The following ARID1B variants were observed in gnomAD, a reference collection of about 807,000 sequenced individuals.
ARID1B encodes AT-rich interaction domain 1B, also known as AT-rich interactive domain-containing protein 1B.
Under a neutral mutation model 212.3 loss-of-function variants are expected in ARID1B, and 30 were observed. That is an observed-to-expected ratio of 0.14 (90% CI 0.11 to 0.19). The LOEUF (loss-of-function observed/expected upper bound fraction) is 0.19. Among genes scored for constraint, ARID1B ranks in the 10% least tolerant of loss-of-function variants. ARID1B has a pLI of 1.00. For missense variants in ARID1B, 2,891 were observed against 3,204.0 expected (o/e 0.90, Z 2.36); for synonymous variants, 1,402 against 1,301.7 (o/e 1.08, Z -1.66).
chr6:156,934,957 T>A (rs1562494889), intron 3 of ARID1B, among the ~76,000 whole-genome samples: 2 of 94,234 alleles, frequency 2.1e-5, no homozygotes, highest in African/African-American at 7.9e-5. Context: ...TATATATATA[T>A]ATATAGTTTA....
At chr6:157,050,446 A>T (rs1392506222) in intron 4 of ARID1B, among the ~76,000 whole-genome samples, 3 of 152,194 alleles carry the variant, frequency 2.0e-5, no homozygotes, top group South Asian at 4.1e-4. Context: ...CAGGAGGCTG[A>T]GGCAGGAGAA....
intron 2 of ARID1B, among the ~76,000 whole-genome samples, chr6:156,886,166 A>G (rs1582875808): frequency 6.6e-6 from 1 of 152,274 alleles, no homozygotes; most frequent in East Asian, 1.9e-4. Context: ...ATTAATCTCA[A>G]CTACACAGAT....
At chr6:156,895,743 C>G (rs1432128260) in intron 2 of ARID1B, among the ~76,000 whole-genome samples, 2 of 152,070 alleles carry the variant, frequency 1.3e-5, no homozygotes, top group Admixed American at 1.3e-4. Flanking sequence ...TATACACACA[C>G]ACACACACAC....
In ARID1B at chr6:157,094,453, C is replaced by A. The variant is rs1262944742; in HGVS notation, c.2491+9548C>A. 6.6e-6 allele frequency among the ~76,000 whole-genome samples: 1 copy of A among 152,202 alleles called. No individual in the cohort carries two copies. Among genetic ancestry groups the A allele is most frequent in the East Asian group, 1.9e-4 (1 of 5,202 alleles). ...CACTACAACCTCTACCTCCCAGGTT[C>A]AAGCAATTCTCCTACCTCAGCCTCC... On this transcript the variant is annotated intron_variant, in intron 5 of 19. Coordinates refer to ENST00000636930, the MANE Select transcript of ARID1B (RefSeq NM_001374828.1). This position sits in a 1 kb window ranked among gnomAD's most constrained non-coding sequence, Gnocchi z 4.3.
rs559654866 is a variant in ARID1B, at chr6:156,899,409, G to T, written c.1987-1967G>T. On this transcript the variant is annotated intron_variant, in intron 2 of 19. Coordinates refer to ENST00000636930, the MANE Select transcript of ARID1B (RefSeq NM_001374828.1). ...GGAGAGCCCCTCTGTGCTGTTACAG[G>T]TTTCCTCAGCCCAGGCTTACAGAAG... Among the ~76,000 whole-genome samples the T allele has an allele frequency of 9.2e-5, 14 of 152,318 alleles. No homozygotes were observed. In the South Asian group the frequency reaches 2.9e-3, roughly 32 times the overall value.
chr6:157,204,248 A>G (rs368691111), intron 19 of ARID1B: 2 of 350,754 alleles, frequency 5.7e-6, no homozygotes, highest in South Asian at 1.1e-4. Context: ...GTATGTGTAT[A>G]TGGGATAGAT....
In ARID1B at chr6:157,147,563, T is replaced by A. The variant is rs1299030570; in HGVS notation, c.2762-1061T>A. Among the ~76,000 whole-genome samples, 69 of 12,828 alleles carry A rather than the reference T, an allele frequency of 5.4e-3. 4 individuals carry two copies. The highest frequency in any genetic ancestry group is 0.05 in the Admixed American group (53 of 1,056). 8.4% of individuals were successfully genotyped at this position (12,828 alleles called of 152,430 possible). On this transcript the variant is annotated intron_variant, in intron 7 of 19. Coordinates refer to ENST00000636930, the MANE Select transcript of ARID1B (RefSeq NM_001374828.1). ...CTCACCTCCGCCTCCGACCCTGCCC[T>A]CCGTCCCTCACCTCCGCCTCCGGCC... is the stretch of plus-strand genomic sequence containing the variant.
intron 2 of ARID1B, among the ~76,000 whole-genome samples, chr6:156,884,420 C>A (rs1787346218): frequency 6.6e-6 from 1 of 151,950 alleles, no homozygotes; most frequent in Non-Finnish European, 1.5e-5. Context: ...AAGTGATTTG[C>A]CAGTTGCACG....
At position 157,167,114 on chromosome 6, in the gene ARID1B, A is replaced by G. The variant is rs550604212; in HGVS notation, c.3164A>G (p.Asn1055Ser). Residue 1055 changes from asparagine (N) to serine (S), a missense_variant, in exon 9 of 20, where the codon AAC becomes AGC. Physicochemically the swap from Asn to Ser is conservative, Grantham distance 46. This residue lies in a region of ARID1B where 1,643 missense variants were observed against 1,544.0 expected (regional missense o/e 1.06). Coordinates refer to ENST00000636930, the MANE Select transcript of ARID1B (RefSeq NM_001374828.1). ...TCTCCCTACAGCCAGCCCATGAACA[A>G]CAGCTCTAGCCTGATGAACACGCAG... ...SSSPYSQPMN[N>S]SSSLMNTQAP... is the part of the protein sequence containing the mutation. The G allele has an allele frequency of 2.5e-6, 4 of 1,612,496 alleles. No individual in the cohort carries two copies. In the South Asian group the frequency reaches 4.4e-5, roughly 18 times the overall value.
At chr6:156,945,499 C>T (rs1231225893) in intron 4 of ARID1B, among the ~76,000 whole-genome samples, 1 of 151,792 alleles carries the variant, frequency 6.6e-6, no homozygotes, top group Non-Finnish European at 1.5e-5. Context: ...CCTGCAGATT[C>T]TTTCCTGTTT....
At chr6:156,916,478 G>A (rs1017430272) in intron 3 of ARID1B, among the ~76,000 whole-genome samples, 4 of 151,948 alleles carry the variant, frequency 2.6e-5, no homozygotes, top group African/African-American at 9.7e-5. Flanking sequence ...AAAGCTATTT[G>A]AAGAAGTTGC....
chr6:156,816,504 G>C lies in ARID1B; in HGVS notation c.1792-12723G>C, dbSNP rs1189507075. On this transcript the variant is annotated intron_variant, in intron 1 of 19. Transcript: ENST00000636930. ...CATATCTGGCCTTAAAGAACTTACT[G>C]TCTGATAAAGGAGGCAGAGATAAAC... Among the ~76,000 whole-genome samples, 4 of 152,226 alleles carry C rather than the reference G, an allele frequency of 2.6e-5. No homozygotes were observed. The East Asian group carries it at 5.8e-4, about 22-fold the overall frequency.
chr6:156,884,902 C>T (rs1015130742), intron 2 of ARID1B, among the ~76,000 whole-genome samples: 1 of 152,120 alleles, frequency 6.6e-6, no homozygotes, highest in African/African-American at 2.4e-5. Flanking sequence ...GAAGTCCTTC[C>T]GGACTACAGT....
intron 4 of ARID1B, chr6:157,022,500 G>A (rs1366175868): frequency 6.6e-6 from 1 of 152,206 alleles, no homozygotes; most frequent in African/African-American, 2.4e-5. Flanking sequence ...GGATCACTGG[G>A]TGGTCTCTTG....
In ARID1B at chr6:156,778,550, C is replaced by T; in HGVS notation, c.870C>T (p.Ala290=). 3 of 1,231,142 alleles carry T rather than the reference C, an allele frequency of 2.4e-6. No homozygotes were observed. Among genetic ancestry groups the T allele is most frequent in the East Asian group, 3.3e-5 (1 of 30,082 alleles). The allele number at this position is 1,231,142 out of a possible 1,614,324, so 76.3% of individuals were successfully genotyped here. A position where few individuals can be genotyped will look rare whatever the true frequency, so the allele number is the denominator to read the frequency against. The change falls in exon 1 of 20, where the codon GCC becomes GCT. Residue 290 remains alanine, a synonymous_variant. Coordinates refer to ENST00000636930, the MANE Select transcript of ARID1B (RefSeq NM_001374828.1). ...GCTACGAGCACCCGGGCTTGGGCGCCCTGGGCACGCAGCAGCCGCCGGTCG... is the reference window on the plus strand; with the variant it reads ...GCTACGAGCACCCGGGCTTGGGCGCTCTGGGCACGCAGCAGCCGCCGGTCG... The part of the protein sequence containing the change: ...GGRYEHPGLG[A]LGTQQPPVAV...
rs2114997994 is a variant in ARID1B at position 156,779,173 on chromosome 6, C to T, written c.1493C>T (p.Ala498Val). Residue 498 changes from alanine (A) to valine (V), a missense_variant, in exon 1 of 20, where the codon GCC (alanine) becomes GTC (valine). By Grantham distance (64) the Ala-to-Val change is moderately conservative (BLOSUM62 0). Transcript: ENST00000636930. ...FAGQNQHPSG[A>V]TPTLNQLLTS... The stretch of plus-strand genomic sequence containing the variant: ...GGCCAGAACCAGCACCCGTCGGGGG[C>T]CACCCCGACCCTCAATCAGCTGCTC... 1 of 1,335,114 alleles carries T rather than the reference C, an allele frequency of 7.5e-7. No homozygotes were observed. The highest frequency in any genetic ancestry group is 9.7e-7 in the Non-Finnish European group (1 of 1,036,248). The allele number at this position is 1,335,114 out of a possible 1,614,324, so 82.7% of individuals were successfully genotyped here.
In ARID1B at chr6:157,133,140, C is replaced by G; in HGVS notation, c.2694C>G (p.Ile898Met). The G allele has an allele frequency of 6.2e-7, 1 of 1,614,164 alleles. No homozygotes were observed. The highest frequency in any genetic ancestry group is 1.1e-5 in the South Asian group (1 of 91,078). ...CTGGGGGCCAGATGCATGCTGGAATCAGTAGCTTTCAGCAGAGTAACTCAA... is the reference window on the plus strand; with the variant it reads ...CTGGGGGCCAGATGCATGCTGGAATGAGTAGCTTTCAGCAGAGTAACTCAA... ...PSPGGQMHAG[I>M]SSFQQSNSSG... is the part of the protein sequence containing the mutation. Residue 898 changes from isoleucine to methionine, a missense_variant, in exon 7 of 20, where the codon ATC (isoleucine) becomes ATG (methionine). This residue lies in a region of ARID1B where 1,643 missense variants were observed against 1,544.0 expected (regional missense o/e 1.06). Coordinates refer to ENST00000636930, the MANE Select transcript of ARID1B (RefSeq NM_001374828.1).
rs143267249 is a variant in ARID1B at position 157,081,199 on chromosome 6, C to T, written c.2248-3463C>T. Among the ~76,000 whole-genome samples, 65 of 152,318 alleles carry T rather than the reference C, an allele frequency of 4.3e-4. No homozygotes were observed. In the East Asian group the frequency reaches 0.01, roughly 24 times the overall value. ...AGCAAGATAAATGGAAGCACTGTAG[C>T]TTGAAGGTGCCTTGGGTAGAATGAG... is the stretch of plus-strand genomic sequence containing the variant. On this transcript the variant is annotated intron_variant, in intron 4 of 19. Transcript: ENST00000636930.
chr6:157,114,523 CAAAAAAAAAAAAAAAAA>C (rs111845551), intron 6 of ARID1B, among the ~76,000 whole-genome samples: 937 of 50,482 alleles, frequency 0.019, 26 homozygotes, highest in African/African-American at 0.06. Context: ...CACTCCGTCT[CAAAAAAAAAAAAAAAAA>C]AAAAAAAAAA....
Sources: allele counts gnomAD v4.1 joint callset (sites outside exome capture counted in the v4.1 genomes callset), GRCh38; gene constraint gnomAD v4.1.1; regional missense constraint gnomAD v4.1.1; non-coding constraint Gnocchi (gnomAD v3.1); transcripts MANE v1.5; gene names NCBI Gene and HGNC (gene_info 2026-07-23, HGNC 2026-07-21).